Variants in ATXN2 observed in about 807,000 individuals in gnomAD.
ATXN2 encodes the protein ataxin 2.
Under a neutral mutation model 138.6 loss-of-function variants are expected in ATXN2, and 37 were observed. That is an observed-to-expected ratio of 0.27 (90% confidence interval 0.21 to 0.35). ATXN2 has a LOEUF of 0.35. Ranked by LOEUF, ATXN2 falls within the 10% of genes least tolerant of loss-of-function variation. The pLI, the probability that ATXN2 is intolerant of heterozygous loss-of-function variation, is 1.00. For synonymous variants in ATXN2, 549 were observed against 543.7 expected (o/e 1.01, Z -0.13); for missense variants, 1,216 against 1,480.3 (o/e 0.82, Z 2.93).
chr12:111,554,597 T>C (rs548266722), intron 2 of ATXN2, among the ~76,000 whole-genome samples: 1 of 152,246 alleles, frequency 6.6e-6, no homozygotes, highest in Admixed American at 6.5e-5. Flanking sequence ...ACTAATGGTG[T>C]TTTGACTAAA....
At chr12:111,541,197 G>A (rs911312185) in intron 5 of ATXN2, among the ~76,000 whole-genome samples, 2 of 149,582 alleles carry the variant, frequency 1.3e-5, no homozygotes, top group African/African-American at 4.9e-5. Context: ...TGTGAAGTAG[G>A]TATCTAATTT....
At chr12:111,507,188 T>C (rs1879187543) in intron 14 of ATXN2, among the ~76,000 whole-genome samples, 1 of 148,722 alleles carries the variant, frequency 6.7e-6, no homozygotes, top group South Asian at 2.1e-4. Context: ...GGAGCACCTC[T>C]TCCCGGCCGC....
At chr12:111,496,229 T>C (rs1410982686) in intron 14 of ATXN2, among the ~76,000 whole-genome samples, 1 of 151,424 alleles carries the variant, frequency 6.6e-6, no homozygotes, top group Non-Finnish European at 1.5e-5. Context: ...TCTTCTCTGA[T>C]CACAATAAGA....
At chr12:111,525,457 CAG>C (rs1768004164) in intron 5 of ATXN2, 141 bp from the exon 6 acceptor site, 16 of 1,023,924 alleles carry the variant, frequency 1.6e-5, no homozygotes, top group Non-Finnish European at 2.0e-5. Flanking sequence ...TAAAATCTAA[CAG>C]AAACATTTAT....
At chr12:111,486,918 T>C (rs1877680731) in intron 15 of ATXN2, 94 bp from the exon 16 acceptor site, 31 of 1,045,690 alleles carry the variant, frequency 3.0e-5, no homozygotes, top group Non-Finnish European at 4.3e-5. Context: ...TTGCTAAATA[T>C]AGATTTAAAC....
intron 18 of ATXN2, among the ~76,000 whole-genome samples, chr12:111,476,087 G>C (rs1876796771): frequency 6.6e-6 from 1 of 152,156 alleles, no homozygotes; most frequent in South Asian, 2.1e-4. Flanking sequence ...AAGTAGTTAG[G>C]ACTACAGGTG....
chr12:111,496,518 A>T (rs970600829), intron 14 of ATXN2, among the ~76,000 whole-genome samples: 1 of 152,198 alleles, frequency 6.6e-6, no homozygotes, highest in Non-Finnish European at 1.5e-5. Context: ...CATGGGTGAC[A>T]GAGCGAGACT....
chr12:111,454,887 G>A, intron 23 of ATXN2: 1 of 592,970 alleles, frequency 1.7e-6, no homozygotes. Context: ...CAGCTCTTAT[G>A]AAGCTGACTC....
chr12:111,590,264 G>C (rs1566084978), intron 1 of ATXN2, among the ~76,000 whole-genome samples: 2 of 151,970 alleles, frequency 1.3e-5, no homozygotes, highest in Non-Finnish European at 2.9e-5. Context: ...TTCACACCAC[G>C]TAAGTACAGA....
intron 1 of ATXN2, among the ~76,000 whole-genome samples, chr12:111,559,358 C>CA (rs1882551421): frequency 6.6e-6 from 1 of 151,686 alleles, no homozygotes; most frequent in Non-Finnish European, 1.5e-5. Flanking sequence ...CTCAGCCTCC[C>CA]AAAGTGCTGG....
rs1874751804 is a variant in ATXN2 at position 111,452,782 on chromosome 12, A to G, written c.*30T>C. 3.1e-6 allele frequency: 5 copies of G among 1,603,532 alleles called. No homozygotes were observed. The highest frequency in any genetic ancestry group is 4.3e-6 in the Non-Finnish European group (5 of 1,170,444). ...TAGAAGCAGTAGAAGGGAGGAGGGAATTTGGCCTTTCGGTTCCTCCAGGGC... is the reference window on the plus strand; with the variant it reads ...TAGAAGCAGTAGAAGGGAGGAGGGAGTTTGGCCTTTCGGTTCCTCCAGGGC... On this transcript the variant is annotated 3_prime_UTR_variant, in exon 25 of 25. Transcript: ENST00000673436.
intron 1 of ATXN2, among the ~76,000 whole-genome samples, chr12:111,586,597 A>G (rs764047092): frequency 4.6e-5 from 7 of 151,844 alleles, no homozygotes; most frequent in Non-Finnish European, 8.8e-5. Flanking sequence ...CCTGTTGGCC[A>G]GAATGGTCTC....
chr12:111,488,771 T>C lies in ATXN2; in HGVS notation c.1945A>G (p.Ser649Gly), dbSNP rs372652422. 1 of 1,603,502 alleles carries C rather than the reference T, an allele frequency of 6.2e-7. No individual in the cohort carries two copies. Residue 649 changes from serine (S) to glycine (G), a missense_variant, in exon 15 of 25, where the codon AGT (serine) becomes GGT (glycine). Ser to Gly is a moderately conservative substitution (Grantham distance 56). This residue lies in a region of ATXN2 where 215 missense variants were observed against 210.0 expected (regional missense o/e 1.02). Transcript: ENST00000673436. ...TGATCCATAGATTCAGAAGTAGAAC[T>C]TGGCTGTAACTAAATAAAGGAAACA... ...KFKNDFRLQP[S>G]STSESMDQLL...
Position 111,552,572 on chromosome 12 carries a change from T to G in ATXN2, c.421-142A>C, listed in dbSNP as rs1308360086. ...AGAATCATACCCTTTTTCCCAGGCA[T>G]ATGATCTATTATCCATTCCATCATT... On this transcript the variant is annotated intron_variant, in intron 4 of 24. Coordinates refer to ENST00000673436, the MANE Select transcript of ATXN2 (RefSeq NM_001372574.1). The surrounding 1 kb of genome is among the most constrained non-coding windows in gnomAD (Gnocchi z 4.1). 1 of 816,104 alleles carries G rather than the reference T, an allele frequency of 1.2e-6. No individual in the cohort carries two copies. The highest frequency in any genetic ancestry group is 1.8e-5 in the African/African-American group (1 of 55,948). The allele number at this position is 816,104 out of a possible 1,614,324, so 50.6% of individuals were successfully genotyped here. A position where few individuals can be genotyped will look rare whatever the true frequency, so the allele number is the denominator to read the frequency against.
chr12:111,519,658 C>T (rs1880047741), intron 8 of ATXN2, among the ~76,000 whole-genome samples: 2 of 152,190 alleles, frequency 1.3e-5, no homozygotes, highest in Admixed American at 6.5e-5. Context: ...TCTTGGATTG[C>T]TCACCGTGAT....
At position 111,598,856 on chromosome 12, in the gene ATXN2, G is replaced by A. The variant is rs562996744; in HGVS notation, c.179C>T (p.Ser60Phe). 5.8e-5 allele frequency: 86 copies of A among 1,484,606 alleles called. 1 individual carries two copies. The East Asian group carries it at 8.7e-4, about 15-fold the overall frequency. The allele number at this position is 1,484,606 out of a possible 1,614,324, so 92.0% of individuals were successfully genotyped here. A position where few individuals can be genotyped will look rare whatever the true frequency, so the allele number is the denominator to read the frequency against. The change falls in exon 1 of 25, where the codon TCC becomes TTC. Residue 60 changes from serine (S) to phenylalanine (F), a missense_variant. Ser to Phe is a radical substitution (Grantham distance 155, BLOSUM62 -2). Transcript: ENST00000673436. The surrounding 1 kb of genome is among the most constrained non-coding windows in gnomAD (Gnocchi z 4.5). ...GGAGGGAGCCGTGGCCGAGGACGAG[G>A]AGACCGAGGACGAGGACGGCGAAGG... ...AAPSPSSSSV[S>F]SSSATAPSSV...
At chr12:111,488,360 G>A (rs937473152) in intron 15 of ATXN2, 116 bp downstream of exon 15, 2 of 1,085,068 alleles carry the variant, frequency 1.8e-6, no homozygotes, top group Non-Finnish European at 2.6e-6. Context: ...TAAGGGCAAT[G>A]TATAAAGTAG....
In ATXN2 at chr12:111,453,531, G is replaced by A. The variant is rs1359269017; in HGVS notation, c.3439+146C>T. ...CTCAGGCCCTGATGCTGAACTGATC[G>A]TCACAGTCCCTCCTGTGCACACTCC... On this transcript the variant is annotated intron_variant, in intron 24 of 24. Coordinates refer to ENST00000673436, the MANE Select transcript of ATXN2 (RefSeq NM_001372574.1). The surrounding 1 kb of genome is among the most constrained non-coding windows in gnomAD (Gnocchi z 5.4). 7.9e-6 allele frequency: 11 copies of A among 1,389,240 alleles called. No individual in the cohort carries two copies. The highest frequency in any genetic ancestry group is 3.3e-5 in the Admixed American group (1 of 29,998). The allele number at this position is 1,389,240 out of a possible 1,614,324, so 86.1% of individuals were successfully genotyped here.
At chr12:111,536,345 A>G (rs1380670710) in intron 5 of ATXN2, among the ~76,000 whole-genome samples, 2 of 152,202 alleles carry the variant, frequency 1.3e-5, no homozygotes, top group Non-Finnish European at 2.9e-5. Context: ...GTGTGCATAT[A>G]TAATTTTTAA....
Sources: allele counts gnomAD v4.1 joint callset (sites outside exome capture counted in the v4.1 genomes callset), GRCh38; gene constraint gnomAD v4.1.1; regional missense constraint gnomAD v4.1.1; non-coding constraint Gnocchi (gnomAD v3.1); transcripts MANE v1.5; gene names NCBI Gene and HGNC (gene_info 2026-07-23, HGNC 2026-07-21).